Variants in CTNNA3 observed in about 807,000 individuals in gnomAD.
CTNNA3 encodes the protein catenin alpha 3, also known as catenin alpha-3.
CTNNA3 carries 76 observed loss-of-function variants against 95.7 expected under a neutral mutation model. The ratio of observed to expected loss-of-function variants is 0.79; its 90% CI spans 0.66 to 0.96. The LOEUF (loss-of-function observed/expected upper bound fraction) is 0.96. Ranked by LOEUF, CTNNA3 falls within the 40% of genes least tolerant of loss-of-function variation. The pLI, the probability that CTNNA3 is intolerant of heterozygous loss-of-function variation, is 0.00. For missense variants in CTNNA3, 1,191 were observed against 1,089.8 expected (o/e 1.09, Z -1.31); for synonymous variants, 431 against 374.4 (o/e 1.15, Z -1.74).
chr10:67,224,501 T>C (rs969879820), intron 5 of CTNNA3, among the ~76,000 whole-genome samples: 2 of 152,184 alleles, frequency 1.3e-5, no homozygotes, highest in African/African-American at 4.8e-5. Flanking sequence ...GGAAGCGGAC[T>C]GCTCCTGCAA....
chr10:66,835,132 A>G (rs77445253), intron 7 of CTNNA3, among the ~76,000 whole-genome samples: 2,055 of 152,292 alleles, frequency 0.013, 66 homozygotes, highest in African/African-American at 0.047. Flanking sequence ...TCTTGACAGT[A>G]AATGGAGGGC....
At chr10:66,982,163 T>C (rs549073888) in intron 7 of CTNNA3, among the ~76,000 whole-genome samples, 3 of 152,350 alleles carry the variant, frequency 2.0e-5, no homozygotes, top group Non-Finnish European at 4.4e-5. Flanking sequence ...TCTGGCAGTT[T>C]GAACAGCAGA....
At chr10:66,102,859 T>A (rs2081700143) in intron 14 of CTNNA3, among the ~76,000 whole-genome samples, 1 of 152,130 alleles carries the variant, frequency 6.6e-6, no homozygotes, top group South Asian at 2.1e-4. Flanking sequence ...TTTTTTCTAG[T>A]CTAAGCAAAC....
rs199613839 is a variant in CTNNA3 at position 65,920,660 on chromosome 10, T to A, written c.2401-43A>T. The A allele has an allele frequency of 1.8e-5, 29 of 1,585,874 alleles. No homozygotes were observed. In the East Asian group the frequency reaches 5.9e-4, roughly 32 times the overall value. On this transcript the variant is annotated intron_variant, in intron 17 of 17. Transcript: ENST00000433211. ...AAAAAAGAGCTATTATTCCAGGAGGTTTTGTTAATTATTGCCAAGCGTGGG... is the reference window on the plus strand; with the variant it reads ...AAAAAAGAGCTATTATTCCAGGAGGATTTGTTAATTATTGCCAAGCGTGGG...
chr10:67,081,948 G>A (rs1422988343), intron 7 of CTNNA3, among the ~76,000 whole-genome samples: 2 of 152,070 alleles, frequency 1.3e-5, no homozygotes, highest in Non-Finnish European at 2.9e-5. Context: ...AGAGCTCCTT[G>A]AAAACAGTAT....
intron 11 of CTNNA3, among the ~76,000 whole-genome samples, chr10:66,432,376 A>G (rs970425475): frequency 2.0e-5 from 3 of 152,162 alleles, no homozygotes; most frequent in Non-Finnish European, 2.9e-5. Flanking sequence ...GTTCTGGGAT[A>G]CGCCAGGTGC....
At chr10:67,538,533 G>C (rs1289530411) in intron 4 of CTNNA3, among the ~76,000 whole-genome samples, 1 of 149,430 alleles carries the variant, frequency 6.7e-6, no homozygotes, top group African/African-American at 2.5e-5. Context: ...AGTGAGCCGA[G>C]ATCACCACTG....
intron 5 of CTNNA3, among the ~76,000 whole-genome samples, chr10:67,228,301 A>G (rs954640954): frequency 2.0e-5 from 3 of 152,170 alleles, no homozygotes; most frequent in Admixed American, 6.5e-5. Flanking sequence ...ACAAGCGAAA[A>G]TCCAAATAAC....
chr10:67,646,694 G>C (rs142273208), intron 2 of CTNNA3, among the ~76,000 whole-genome samples: 1 of 152,078 alleles, frequency 6.6e-6, no homozygotes, highest in Non-Finnish European at 1.5e-5. Context: ...CCTAGGAAAA[G>C]GGACTTGAAT....
At chr10:66,078,536 C>T (rs550177315) in intron 14 of CTNNA3, among the ~76,000 whole-genome samples, 11 of 151,654 alleles carry the variant, frequency 7.3e-5, no homozygotes, top group Admixed American at 1.3e-4. Context: ...CTACAAAGAC[C>T]AAAGTTGTAA....
intron 7 of CTNNA3, among the ~76,000 whole-genome samples, chr10:66,992,389 A>G (rs1851088664): frequency 6.6e-6 from 1 of 151,260 alleles, no homozygotes; most frequent in East Asian, 1.9e-4. Context: ...TCCTTTTCCT[A>G]TTATTCTTCC....
intron 15 of CTNNA3, among the ~76,000 whole-genome samples, chr10:65,997,392 A>G (rs1380771026): frequency 6.6e-6 from 1 of 152,188 alleles, no homozygotes; most frequent in African/African-American, 2.4e-5. Flanking sequence ...GGTGCTGCAC[A>G]CTGGTCAATC....
intron 13 of CTNNA3, among the ~76,000 whole-genome samples, chr10:66,188,595 CTGTGTGTGTG>C (rs71035114): frequency 0.011 from 1,327 of 121,064 alleles, 41 homozygotes; most frequent in African/African-American, 0.045. Context: ...GGGGGGGTCT[CTGTGTGTGTG>C]TGTGTGTGTG....
Position 66,103,145 on chromosome 10 carries a change from G to C in CTNNA3, c.1977+12C>G. On this transcript the variant is annotated intron_variant, in intron 14 of 17. Transcript: ENST00000433211. Reference sequence around the variant, plus strand: ...ACAGTACATGGTTCTCCCACCAGTTGAAGTGACATACCCTATCAGTTTTCC... The same window carrying C: ...ACAGTACATGGTTCTCCCACCAGTTCAAGTGACATACCCTATCAGTTTTCC... 1.2e-6 allele frequency: 2 copies of C among 1,607,042 alleles called. No homozygotes were observed. Among genetic ancestry groups the C allele is most frequent in the Admixed American group, 1.7e-5 (1 of 60,016 alleles).
chr10:67,500,611 C>T (rs1839197462), intron 5 of CTNNA3, among the ~76,000 whole-genome samples: 21 of 152,114 alleles, frequency 1.4e-4, no homozygotes, highest in Admixed American at 1.4e-3. Flanking sequence ...TGGGTGCTCC[C>T]GTATTGGGTG....
chr10:66,886,200 C>T (rs1845036494), intron 7 of CTNNA3, among the ~76,000 whole-genome samples: 1 of 152,054 alleles, frequency 6.6e-6, no homozygotes, highest in Non-Finnish European at 1.5e-5. Context: ...GGAGAATGCT[C>T]TGGAATCATT....
intron 14 of CTNNA3, among the ~76,000 whole-genome samples, chr10:66,076,033 A>G (rs944545734): frequency 2.6e-5 from 4 of 151,642 alleles, no homozygotes; most frequent in Admixed American, 2.0e-4. Context: ...AATTCATATC[A>G]CTCATATGAA....
At chr10:67,076,135 C>T (rs1308036720) in intron 7 of CTNNA3, among the ~76,000 whole-genome samples, 3 of 152,168 alleles carry the variant, frequency 2.0e-5, no homozygotes, top group South Asian at 2.1e-4. Context: ...TTTTAAGCTC[C>T]CCTGTATTAC....
chr10:65,960,385 C>T (rs761494024), intron 17 of CTNNA3, among the ~76,000 whole-genome samples: 19 of 152,126 alleles, frequency 1.2e-4, no homozygotes, highest in Admixed American at 7.9e-4. Flanking sequence ...ATTAGCCAGG[C>T]GCCGTGGGGG....
Sources: gnomAD v4.1 joint callset for allele counts (sites outside exome capture counted in the v4.1 genomes callset) on GRCh38, gnomAD v4.1.1 for gene constraint, MANE v1.5 for transcripts, NCBI Gene and HGNC (gene_info 2026-07-23, HGNC 2026-07-21) for gene names.